The following PADI4 variants were observed in gnomAD, a reference collection of about 807,000 sequenced individuals.
PADI4 encodes the protein peptidyl arginine deiminase 4, also known as protein-arginine deiminase type-4.
In PADI4, 62 loss-of-function variants were observed where a neutral mutation model predicts 75.0. The observed-to-expected ratio is 0.83, with a 90% CI of 0.67 to 1.02. The LOEUF is 1.02. Ranked by LOEUF, PADI4 falls within the 50% of genes least tolerant of loss-of-function variation. PADI4 has a pLI of 0.00. For synonymous variants in PADI4, 361 were observed against 348.1 expected (o/e 1.04, Z -0.41); for missense variants, 845 against 850.5 (o/e 0.99, Z 0.08).
chr1:17,353,206 A>G (rs1405938460), intron 10 of PADI4, among the ~76,000 whole-genome samples: 1 of 152,024 alleles, frequency 6.6e-6, no homozygotes, highest in Non-Finnish European at 1.5e-5. Flanking sequence ...GCTCACACCT[A>G]TAATCCCAAC....
intron 10 of PADI4, 93 bp from the exon 11 acceptor site, chr1:17,354,440 C>CT (rs1478298769): frequency 3.5e-5 from 38 of 1,086,030 alleles, no homozygotes; most frequent in Non-Finnish European, 5.1e-5. Flanking sequence ...GAGTTACTTC[C>CT]TGTGCCCAAG....
chr1:17,351,288 T>C lies in PADI4; in HGVS notation c.1155+3240T>C, dbSNP rs1570078488. ...ATAGGTGCCAGCGTGGTAGGGAAGG[T>C]GGATTAGGTTACATTCTTAAAGCCG... On this transcript the variant is annotated intron_variant, in intron 10 of 15. Transcript: ENST00000375448. Among the ~76,000 whole-genome samples the C allele has an allele frequency of 2.1e-5, 3 of 140,698 alleles. No individual in the cohort carries two copies. In the South Asian group the frequency reaches 6.9e-4, roughly 32 times the overall value. The allele number at this position is 140,698 out of a possible 152,430, so 92.3% of individuals were successfully genotyped here. A position where few individuals can be genotyped will look rare whatever the true frequency, so the allele number is the denominator to read the frequency against.
intron 1 of PADI4, among the ~76,000 whole-genome samples, chr1:17,323,955 T>C (rs1034236758): frequency 7.9e-5 from 12 of 152,218 alleles, no homozygotes; most frequent in Non-Finnish European, 1.5e-4. Flanking sequence ...TTGTCCACTG[T>C]GAATCCACTA....
chr1:17,331,894 G>A (rs2074220126), intron 2 of PADI4, among the ~76,000 whole-genome samples: 1 of 152,074 alleles, frequency 6.6e-6, no homozygotes, highest in South Asian at 2.1e-4. Flanking sequence ...CTCCAGCCTG[G>A]GTGAAAGAGC....
Position 17,348,018 on chromosome 1 carries a change from C to G in PADI4, c.1125C>G (p.Gly375=), listed in dbSNP as rs776883957. 36 of 1,612,386 alleles carry G rather than the reference C, an allele frequency of 2.2e-5. No individual in the cohort carries two copies. Among genetic ancestry groups the G allele is most frequent in the Non-Finnish European group, 4.2e-6 (5 of 1,178,760 alleles). Residue 375 remains glycine, a synonymous_variant, in exon 10 of 16, where the codon GGC becomes GGG. Transcript: ENST00000375448. ...PVVFDSPRNR[G]LKEFPIKRVM... ...TCTTCGACTCTCCAAGGAACAGAGG[C>G]CTGAAGGAGTTTCCCATCAAACGCG...
chr1:17,329,341 A>T (rs114209494), intron 1 of PADI4, among the ~76,000 whole-genome samples: 2 of 151,018 alleles, frequency 1.3e-5, no homozygotes, highest in Non-Finnish European at 3.0e-5. Flanking sequence ...AAAAAAAAAT[A>T]GTAAATCTTG....
intron 1 of PADI4, among the ~76,000 whole-genome samples, chr1:17,314,582 C>T (rs2073900225): frequency 6.6e-6 from 1 of 152,200 alleles, no homozygotes; most frequent in Admixed American, 6.5e-5. Context: ...CCAAACCTTG[C>T]AACCACCCAG....
At chr1:17,347,346 T>C (rs940342801) in intron 9 of PADI4, among the ~76,000 whole-genome samples, 5 of 152,242 alleles carry the variant, frequency 3.3e-5, no homozygotes, top group Non-Finnish European at 7.3e-5. Flanking sequence ...TAGTAACTTA[T>C]AGTAGTGATT....
In PADI4 at chr1:17,339,673, C is replaced by T. The variant is rs762050630; in HGVS notation, c.527-15C>T. On this transcript the variant is annotated splice_polypyrimidine_tract_variant and intron_variant, in intron 5 of 15. Coordinates refer to ENST00000375448, the MANE Select transcript of PADI4 (RefSeq NM_012387.3). ...TCAGGGCCCTGTGACTCAGGCAATG[C>T]CCTTCTCATCCCAGACCTGCAGGAC... is the stretch of plus-strand genomic sequence containing the variant. The T allele has an allele frequency of 1.9e-6, 3 of 1,613,506 alleles. No individual in the cohort carries two copies. Among genetic ancestry groups the T allele is most frequent in the Admixed American group, 1.7e-5 (1 of 60,004 alleles).
intron 5 of PADI4, 81 bp from the exon 6 acceptor site, chr1:17,339,607 C>T: frequency 6.6e-7 from 1 of 1,518,930 alleles, no homozygotes. Flanking sequence ...GTGTGAGGCT[C>T]CACCAGGAGG....
At chr1:17,322,324 C>T (rs1012197819) in intron 1 of PADI4, among the ~76,000 whole-genome samples, 5 of 152,100 alleles carry the variant, frequency 3.3e-5, no homozygotes, top group Non-Finnish European at 7.4e-5. Flanking sequence ...CCTATCTCTA[C>T]TAAAAATACA....
intron 10 of PADI4, among the ~76,000 whole-genome samples, chr1:17,353,543 A>C (rs2074704537): frequency 6.6e-6 from 1 of 152,128 alleles, no homozygotes. Context: ...CAGGGAATGG[A>C]CCATCTATGT....
chr1:17,355,880 C>G, intron 11 of PADI4, 103 bp from the exon 12 acceptor site: 1 of 1,135,340 alleles, frequency 8.8e-7, no homozygotes, highest in Non-Finnish European at 1.3e-6. Flanking sequence ...ATCCCTTTCT[C>G]AGCTGAAGGA....
In PADI4 at chr1:17,359,288, C is replaced by T. The variant is rs780126520; in HGVS notation, c.1638C>T (p.Ile546=). ...REHNSFVERC[I]DWNRELLKRE... is the part of the protein sequence containing the mutation. Reference sequence around the variant, plus strand: ...CCTGCCCCTTCCCCAAGAGATGCATCGACTGGAACCGCGAGCTGCTGAAGC... The same window carrying T: ...CCTGCCCCTTCCCCAAGAGATGCATTGACTGGAACCGCGAGCTGCTGAAGC... Residue 546 remains isoleucine, a synonymous_variant, in exon 15 of 16, where the codon ATC becomes ATT. Transcript: ENST00000375448. 1.1e-5 allele frequency: 16 copies of T among 1,477,830 alleles called. No individual in the cohort carries two copies. Among genetic ancestry groups the T allele is most frequent in the Middle Eastern group, 2.0e-4 (1 of 5,002 alleles). 91.5% of individuals were successfully genotyped at this position (1,477,830 alleles called of 1,614,324 possible). A position where few individuals can be genotyped will look rare whatever the true frequency, so the allele number is the denominator to read the frequency against.
intron 15 of PADI4, among the ~76,000 whole-genome samples, chr1:17,362,351 C>CAAAAA (rs34897407): frequency 1.9e-5 from 2 of 107,368 alleles, no homozygotes; most frequent in Admixed American, 1.0e-4. Flanking sequence ...GACCCTGTCT[C>CAAAAA]AAAAAAAAAA....
At chr1:17,312,519 G>C (rs1272824881) in intron 1 of PADI4, among the ~76,000 whole-genome samples, 1 of 151,518 alleles carries the variant, frequency 6.6e-6, no homozygotes, top group Non-Finnish European at 1.5e-5. Flanking sequence ...AAAAAAGATG[G>C]GTAGATAAGA....
intron 11 of PADI4, among the ~76,000 whole-genome samples, chr1:17,355,152 C>T (rs1477902753): frequency 1.3e-5 from 2 of 152,116 alleles, no homozygotes; most frequent in Non-Finnish European, 2.9e-5. Context: ...GACAGGGCCA[C>T]CTGGAGATCT....
chr1:17,317,187 AAGTGCT>A (rs1385147821), intron 1 of PADI4, among the ~76,000 whole-genome samples: 6 of 151,982 alleles, frequency 3.9e-5, no homozygotes, highest in Non-Finnish European at 8.8e-5. Context: ...CAGCTTCCCA[AAGTGCT>A]AGGGTTACAG....
At chr1:17,320,305 A>G (rs1251505666) in intron 1 of PADI4, among the ~76,000 whole-genome samples, 1 of 152,242 alleles carries the variant, frequency 6.6e-6, no homozygotes, top group African/African-American at 2.4e-5. Flanking sequence ...GTCCCAATCC[A>G]GACCCCAAAA....
Sources: gnomAD v4.1 joint callset for allele counts (sites outside exome capture counted in the v4.1 genomes callset) on GRCh38, gnomAD v4.1.1 for gene constraint, MANE v1.5 for transcripts, NCBI Gene and HGNC (gene_info 2026-07-23, HGNC 2026-07-21) for gene names.